PARD3B: variants seen among roughly 807,000 people sequenced by gnomAD.
The protein encoded by PARD3B is partitioning defective 3 homolog B.
A neutral mutation model predicts 130.2 loss-of-function variants in PARD3B; 103 were observed. The observed-to-expected ratio is 0.79, with a 90% confidence interval of 0.67 to 0.93. The LOEUF (loss-of-function observed/expected upper bound fraction) is 0.93. PARD3B is among the 40% of genes least tolerant of loss of function. The pLI, the probability that PARD3B is intolerant of heterozygous loss-of-function variation, is 0.00. For missense variants in PARD3B, 1,609 were observed against 1,499.2 expected (o/e 1.07, Z -1.21); for synonymous variants, 583 against 553.2 (o/e 1.05, Z -0.76).
chr2:204,998,053 A>G (rs542971482), intron 3 of PARD3B, among the ~76,000 whole-genome samples: 39 of 149,562 alleles, frequency 2.6e-4, no homozygotes, highest in Non-Finnish European at 4.1e-4. Flanking sequence ...GAATAAGATG[A>G]CTTGTTGCCA....
rs2051556768 is a variant in PARD3B at position 205,530,781 on chromosome 2, C to G, written c.3181-22543C>G. Among the ~76,000 whole-genome samples, 1 of 152,118 alleles carries G rather than the reference C, an allele frequency of 6.6e-6. No homozygotes were observed. Among genetic ancestry groups the G allele is most frequent in the Non-Finnish European group, 1.5e-5 (1 of 68,040 alleles). ...AAAATATCTTCCTGGATTGGCCACA[C>G]AGATACTCATGCTGGACGATTCAAG... On this transcript the variant is annotated intron_variant, in intron 21 of 22. Transcript: ENST00000406610. This position sits in a 1 kb window ranked among gnomAD's most constrained non-coding sequence, Gnocchi z 4.7.
intron 12 of PARD3B, among the ~76,000 whole-genome samples, chr2:205,175,790 C>T (rs2035433527): frequency 6.6e-6 from 1 of 152,194 alleles, no homozygotes; most frequent in Non-Finnish European, 1.5e-5. Context: ...CCTTCTTCAG[C>T]ACCTGTGGAA....
At chr2:204,681,081 G>T (rs570519696) in intron 1 of PARD3B, among the ~76,000 whole-genome samples, 1 of 152,184 alleles carries the variant, frequency 6.6e-6, no homozygotes, top group South Asian at 2.1e-4. Flanking sequence ...CATTTTGACA[G>T]TATATGTATT....
chr2:204,933,789 A>G (rs944337013), intron 2 of PARD3B, among the ~76,000 whole-genome samples: 1 of 151,374 alleles, frequency 6.6e-6, no homozygotes, highest in Non-Finnish European at 1.5e-5. Context: ...TCTCTCTTTC[A>G]TTGTCTCTCT....
intron 1 of PARD3B, among the ~76,000 whole-genome samples, chr2:204,570,632 T>C (rs762187764): frequency 1.3e-5 from 2 of 152,324 alleles, no homozygotes; most frequent in South Asian, 4.1e-4. Flanking sequence ...TTTAGGTAGA[T>C]TGACCAGGGG....
chr2:205,581,257 T>TAGATATATATAGATATAG (rs143823405), intron 22 of PARD3B, among the ~76,000 whole-genome samples: 7 of 120,916 alleles, frequency 5.8e-5, no homozygotes, highest in African/African-American at 2.3e-4. Flanking sequence ...TATAGATATA[T>TAGATATATATAGATATAG]ATAGATATAG....
intron 2 of PARD3B, among the ~76,000 whole-genome samples, chr2:204,736,317 T>C (rs930781162): frequency 5.3e-5 from 8 of 152,310 alleles, no homozygotes; most frequent in Admixed American, 2.0e-4. Flanking sequence ...ACAGTGCTTT[T>C]TTTTGTTACA....
At chr2:205,513,891 G>C (rs558472158) in intron 21 of PARD3B, among the ~76,000 whole-genome samples, 1 of 152,176 alleles carries the variant, frequency 6.6e-6, no homozygotes, top group South Asian at 2.1e-4. Flanking sequence ...AAGAATTAAC[G>C]AGATAGATTT....
rs917732044 is a variant in PARD3B at position 205,187,470 on chromosome 2, G to C, written c.2024+1607G>C. ...TGGATTGGGTGAATGGAAGAGGTTTGATATCCCCTGGAAGCCAGGACTCTT... is the reference window on the plus strand; with the variant it reads ...TGGATTGGGTGAATGGAAGAGGTTTCATATCCCCTGGAAGCCAGGACTCTT... On this transcript the variant is annotated intron_variant, in intron 14 of 22. Transcript: ENST00000406610. This position sits in a 1 kb window ranked among gnomAD's most constrained non-coding sequence, Gnocchi z 4.9. Among the ~76,000 whole-genome samples the C allele has an allele frequency of 7.9e-5, 12 of 152,180 alleles. 1 individual carries two copies. The highest frequency in any genetic ancestry group is 2.7e-4 in the African/African-American group (11 of 41,444).
intron 15 of PARD3B, among the ~76,000 whole-genome samples, chr2:205,198,526 G>A (rs1298027899): frequency 2.0e-5 from 3 of 152,058 alleles, no homozygotes; most frequent in Non-Finnish European, 2.9e-5. Context: ...TTTAAATTAG[G>A]AAATGTTTTT....
At chr2:205,605,108 G>A (rs2054935124) in intron 22 of PARD3B, among the ~76,000 whole-genome samples, 8 of 152,108 alleles carry the variant, frequency 5.3e-5, no homozygotes. Flanking sequence ...CAGCTCTTGG[G>A]ATTTTTTATC....
chr2:205,319,338 T>C (rs1295956270), intron 18 of PARD3B, among the ~76,000 whole-genome samples: 2 of 152,344 alleles, frequency 1.3e-5, no homozygotes, highest in Admixed American at 6.5e-5. Context: ...GTTCTTAGAC[T>C]AGAGCACTGG....
At chr2:204,959,881 C>A (rs867780355) in intron 2 of PARD3B, among the ~76,000 whole-genome samples, 1 of 152,130 alleles carries the variant, frequency 6.6e-6, no homozygotes, top group African/African-American at 2.4e-5. Flanking sequence ...ACACATACCA[C>A]GTTAATGTAT....
chr2:204,591,421 T>C (rs2033068985), intron 1 of PARD3B, among the ~76,000 whole-genome samples: 2 of 152,248 alleles, frequency 1.3e-5, no homozygotes, highest in Non-Finnish European at 2.9e-5. Context: ...ACCAGCTTTT[T>C]TCCAGATGGC....
In PARD3B at chr2:204,971,705, C is replaced by G. The variant is rs572833984; in HGVS notation, c.394+6382C>G. Among the ~76,000 whole-genome samples, 15 of 151,828 alleles carry G rather than the reference C, an allele frequency of 9.9e-5. No homozygotes were observed. The South Asian group carries it at 2.9e-3, about 29-fold the overall frequency. The stretch of plus-strand genomic sequence containing the variant: ...CCTTGCTAGGGTGTCATCAATCAGT[C>G]ATAGCCATATAGTCAACAAAGTGTG... On this transcript the variant is annotated intron_variant, in intron 3 of 22. Transcript: ENST00000406610.
rs1017676353 is a variant in PARD3B, at chr2:205,122,670, T to A, written c.1165+721T>A. Among the ~76,000 whole-genome samples the A allele has an allele frequency of 6.6e-6, 1 of 152,212 alleles. No homozygotes were observed. Among genetic ancestry groups the A allele is most frequent in the Non-Finnish European group, 1.5e-5 (1 of 68,026 alleles). The stretch of plus-strand genomic sequence containing the variant: ...GAAATTCTGTGTTTTTCAAGACAAC[T>A]CAAAAGAAACCAAGATCTTATAGAT... On this transcript the variant is annotated intron_variant, in intron 8 of 22. Coordinates refer to ENST00000406610, the MANE Select transcript of PARD3B (RefSeq NM_001302769.2). This position sits in a 1 kb window ranked among gnomAD's most constrained non-coding sequence, Gnocchi z 4.3.
rs181708257 is a variant in PARD3B, at chr2:204,719,725, A to G, written c.222+33443A>G. On this transcript the variant is annotated intron_variant, in intron 2 of 22. Transcript: ENST00000406610. Reference sequence around the variant, plus strand: ...ATTACTGATTTAATTGTCTTTTTTTATAACCTTGAATTTCATCATGATATG... The same window carrying G: ...ATTACTGATTTAATTGTCTTTTTTTGTAACCTTGAATTTCATCATGATATG... 2.7e-4 allele frequency among the ~76,000 whole-genome samples: 41 copies of G among 152,318 alleles called. No individual in the cohort carries two copies. The East Asian group carries it at 7.7e-3, about 29-fold the overall frequency.
rs1367025485 is a variant in PARD3B, at chr2:204,993,964, C to G, written c.394+28641C>G. ...TTTTTATTGCATCTATTTGATTCATCTCTCTTTTTTTCTTTATTAGTCTTG... is the reference window on the plus strand; with the variant it reads ...TTTTTATTGCATCTATTTGATTCATGTCTCTTTTTTTCTTTATTAGTCTTG... On this transcript the variant is annotated intron_variant, in intron 3 of 22. Coordinates refer to ENST00000406610, the MANE Select transcript of PARD3B (RefSeq NM_001302769.2). 2.6e-5 allele frequency among the ~76,000 whole-genome samples: 4 copies of G among 151,930 alleles called. No homozygotes were observed. In the South Asian group the frequency reaches 6.2e-4, roughly 24 times the overall value.
chr2:204,655,334 A>G (rs2035605349), intron 1 of PARD3B, among the ~76,000 whole-genome samples: 1 of 152,064 alleles, frequency 6.6e-6, no homozygotes, highest in South Asian at 2.1e-4. Flanking sequence ...TTGAATTTCC[A>G]CATAGTAGCT....
Sources: gnomAD v4.1 joint callset for allele counts (sites outside exome capture counted in the v4.1 genomes callset) on GRCh38, gnomAD v4.1.1 for gene constraint, Gnocchi (gnomAD v3.1) non-coding constraint, MANE v1.5 for transcripts, NCBI Gene and HGNC (gene_info 2026-07-23, HGNC 2026-07-21) for gene names.